The following PDZRN4 variants were observed in gnomAD, a reference collection of about 807,000 sequenced individuals.
PDZRN4 encodes PDZ domain-containing RING finger protein 4.
PDZRN4 carries 70 observed loss-of-function variants against 99.0 expected under a neutral mutation model. That is an observed-to-expected ratio of 0.71 (90% CI 0.58 to 0.86). The LOEUF (loss-of-function observed/expected upper bound fraction) is 0.86. Among genes scored for constraint, PDZRN4 ranks in the 40% least tolerant of loss-of-function variants. PDZRN4 has a pLI of 0.00. For synonymous variants in PDZRN4, 551 were observed against 501.6 expected, an observed-to-expected ratio of 1.10 and a Z score of -1.32; for missense variants, 1,474 against 1,331.2, an observed-to-expected ratio of 1.11 and a Z score of -1.67.
At chr12:41,544,046 A>G (rs772397334) in intron 5 of PDZRN4, among the ~76,000 whole-genome samples, 2 of 152,250 alleles carry the variant, frequency 1.3e-5, no homozygotes, top group Non-Finnish European at 2.9e-5. Flanking sequence ...TGTGCACTGT[A>G]TTATCCTATC....
At chr12:41,345,270 C>T (rs951242577) in intron 3 of PDZRN4, among the ~76,000 whole-genome samples, 3 of 152,144 alleles carry the variant, frequency 2.0e-5, no homozygotes, top group African/African-American at 4.8e-5. Flanking sequence ...GGCACAGACG[C>T]GTTCCTTTTG....
chr12:41,293,220 A>G (rs1269398324), intron 3 of PDZRN4, among the ~76,000 whole-genome samples: 3 of 138,176 alleles, frequency 2.2e-5, no homozygotes, highest in Non-Finnish European at 4.8e-5. Context: ...GGGCTCTATG[A>G]CTAACTTCTG....
intron 5 of PDZRN4, among the ~76,000 whole-genome samples, chr12:41,525,494 T>C (rs1384612653): frequency 6.6e-6 from 1 of 152,184 alleles, no homozygotes; most frequent in Non-Finnish European, 1.5e-5. Context: ...GAAATATATG[T>C]AAATATATAT....
intron 3 of PDZRN4, among the ~76,000 whole-genome samples, chr12:41,358,322 A>G (rs1371782894): frequency 1.3e-5 from 2 of 152,036 alleles, no homozygotes; most frequent in East Asian, 3.9e-4. Flanking sequence ...TTTCCTCAGC[A>G]TAGAAAGAGA....
chr12:41,438,468 T>G (rs1952650754), intron 3 of PDZRN4, among the ~76,000 whole-genome samples: 2 of 152,212 alleles, frequency 1.3e-5, no homozygotes, highest in African/African-American at 2.4e-5. Flanking sequence ...ATTGGATGAA[T>G]TGAGAATTTG....
chr12:41,198,674 T>C (rs1391729773), intron 3 of PDZRN4, among the ~76,000 whole-genome samples: 1 of 150,254 alleles, frequency 6.7e-6, no homozygotes. Context: ...GACGAGTTAA[T>C]GGGTGCAGCA....
At chr12:41,505,610 A>C (rs536587468) in intron 3 of PDZRN4, among the ~76,000 whole-genome samples, 1 of 152,058 alleles carries the variant, frequency 6.6e-6, no homozygotes, top group East Asian at 1.9e-4. Flanking sequence ...AAAAAGAATA[A>C]TTTTTCTCTC....
intron 3 of PDZRN4, among the ~76,000 whole-genome samples, chr12:41,348,350 T>A (rs936334385): frequency 1.3e-5 from 2 of 152,072 alleles, no homozygotes; most frequent in Admixed American, 6.6e-5. Context: ...ATAATAAGAT[T>A]CAGATATTAT....
rs571068699 is a variant in PDZRN4, at chr12:41,470,835, G to A, written c.844-35621G>A. ...AAAACCCACACAATGGGGGAGCCAG[G>A]AGGTACAGTCCCTGGCTCAGGAGCA... On this transcript the variant is annotated intron_variant, in intron 3 of 9. Transcript: ENST00000402685. Among the ~76,000 whole-genome samples the A allele has an allele frequency of 1.1e-4, 16 of 152,252 alleles. 1 individual carries two copies. Among genetic ancestry groups the A allele is most frequent in the Admixed American group, 2.6e-4 (4 of 15,298 alleles).
chr12:41,375,914 C>G (rs1036302777), intron 3 of PDZRN4, among the ~76,000 whole-genome samples: 2 of 152,148 alleles, frequency 1.3e-5, no homozygotes, highest in African/African-American at 4.8e-5. Context: ...CCCCCAAGCC[C>G]CATCCCCTGG....
At chr12:41,462,463 T>G (rs1952881698) in intron 3 of PDZRN4, among the ~76,000 whole-genome samples, 1 of 152,218 alleles carries the variant, frequency 6.6e-6, no homozygotes, top group South Asian at 2.1e-4. Context: ...GCTGCTAATC[T>G]CTCTACCTGA....
intron 3 of PDZRN4, among the ~76,000 whole-genome samples, chr12:41,404,870 T>C (rs1288914190): frequency 6.6e-6 from 1 of 151,600 alleles, no homozygotes. Context: ...AAACAAGCAA[T>C]GGGGAAAGGA....
At chr12:41,347,228 T>C (rs1258931711) in intron 3 of PDZRN4, among the ~76,000 whole-genome samples, 1 of 152,142 alleles carries the variant, frequency 6.6e-6, no homozygotes, top group Non-Finnish European at 1.5e-5. Flanking sequence ...AACTGCCAAA[T>C]TGCTTTTCAC....
At chr12:41,438,931 A>G (rs1952654530) in intron 3 of PDZRN4, among the ~76,000 whole-genome samples, 2 of 152,194 alleles carry the variant, frequency 1.3e-5, no homozygotes, top group Non-Finnish European at 2.9e-5. Flanking sequence ...ATTGCTGATG[A>G]AGGACGATGC....
chr12:41,407,215 C>T (rs1718179310), intron 3 of PDZRN4, among the ~76,000 whole-genome samples: 1 of 152,200 alleles, frequency 6.6e-6, no homozygotes, highest in Non-Finnish European at 1.5e-5. Flanking sequence ...TATAATATCT[C>T]ACCGTCATTT....
At chr12:41,505,068 C>T (rs936481904) in intron 3 of PDZRN4, among the ~76,000 whole-genome samples, 14 of 152,160 alleles carry the variant, frequency 9.2e-5, no homozygotes, top group Admixed American at 2.0e-4. Context: ...TACCCCAAAA[C>T]GCCCCACACT....
chr12:41,374,163 G>T (rs60553799), intron 3 of PDZRN4, among the ~76,000 whole-genome samples: 71,909 of 151,862 alleles, frequency 0.47, 17,800 homozygotes, highest in Middle Eastern at 0.65. Context: ...AAATGCCTGA[G>T]GTACATGAAC....
intron 3 of PDZRN4, among the ~76,000 whole-genome samples, chr12:41,270,186 C>T (rs67467631): frequency 1.3e-5 from 2 of 151,742 alleles, no homozygotes; most frequent in Non-Finnish European, 2.9e-5. Context: ...AAATTAAATG[C>T]GCTAATAGAT....
At chr12:41,460,025 G>C in intron 3 of PDZRN4, 1 of 1,288,806 alleles carries the variant, frequency 7.8e-7, no homozygotes, top group Non-Finnish European at 1.0e-6. Context: ...TGGAGAGTAT[G>C]TGTGGGATCT....
Sources: gnomAD v4.1 joint callset for allele counts (sites outside exome capture counted in the v4.1 genomes callset) on GRCh38, gnomAD v4.1.1 for gene constraint, MANE v1.5 for transcripts, NCBI Gene and HGNC (gene_info 2026-07-23, HGNC 2026-07-21) for gene names.